The following CLCN2 variants were observed in gnomAD, a reference collection of about 807,000 sequenced individuals.
CLCN2 encodes the protein chloride channel protein 2.
Under a neutral mutation model 108.3 loss-of-function variants are expected in CLCN2, and 72 were observed. The ratio of observed to expected loss-of-function variants is 0.66; its 90% CI spans 0.55 to 0.81. The LOEUF (loss-of-function observed/expected upper bound fraction) is 0.81, where lower values mean the gene tolerates loss of function less well. Among genes scored for constraint, CLCN2 ranks in the 30% least tolerant of loss-of-function variants. The probability of loss-of-function intolerance (pLI) is 0.00; values close to 1 mark genes in which losing one functional copy is unlikely to be tolerated. For missense variants in CLCN2, 1,048 were observed against 1,205.2 expected, an observed-to-expected ratio of 0.87 and a Z score of 1.93; for synonymous variants, 471 against 467.1, an observed-to-expected ratio of 1.01 and a Z score of -0.11.
In CLCN2 at chr3:184,354,981, C is replaced by CAGGGGGTGG; in HGVS notation, c.1327-17_1327-9dup. 6.2e-7 allele frequency: 1 copy of CAGGGGGTGG among 1,613,784 alleles called. No homozygotes were observed. The highest frequency in any genetic ancestry group is 1.3e-5 in the African/African-American group (1 of 75,002). Reference sequence around the variant, plus strand: ...CAGTGCAGACATCCAGAACTGCAGGCAGGGGGTGGTTCAAAGGCGAAGAGG... The same window carrying CAGGGGGTGG: ...CAGTGCAGACATCCAGAACTGCAGGCAGGGGGTGGAGGGGGTGGTTCAAAGGCGAAGAGG... On this transcript the variant is annotated splice_polypyrimidine_tract_variant and intron_variant, in intron 12 of 23. Transcript: ENST00000265593.
At chr3:184,347,694 C>T (rs911919692) in intron 22 of CLCN2, 5 of 163,844 alleles carry the variant, frequency 3.1e-5, no homozygotes, top group African/African-American at 9.6e-5. Context: ...CAGTCTTGGC[C>T]TGAAGCACGC....
rs1314840999 is a variant in CLCN2 at position 184,361,375 on chromosome 3, G to A, written c.63+42C>T. ...CTTCCCAGGGTAACCTGGAGCAGGG[G>A]TCCCGGAGCGCACTCCTGGGGCTCA... On this transcript the variant is annotated intron_variant, in intron 1 of 23. Coordinates refer to ENST00000265593, the MANE Select transcript of CLCN2 (RefSeq NM_004366.6). This position sits in a 1 kb window ranked among gnomAD's most constrained non-coding sequence, Gnocchi z 6.6. The A allele has an allele frequency of 1.3e-6, 2 of 1,596,578 alleles. No individual in the cohort carries two copies. Among genetic ancestry groups the A allele is most frequent in the South Asian group, 2.2e-5 (2 of 90,736 alleles).
intron 22 of CLCN2, 124 bp downstream of exon 22, chr3:184,351,889 A>G (rs1422199394): frequency 1.7e-5 from 13 of 786,304 alleles, no homozygotes; most frequent in African/African-American, 1.0e-4. Flanking sequence ...ACATCTCCGC[A>G]CTGAGCCAAC....
rs151278282 is a variant in CLCN2 at position 184,352,456 on chromosome 3, C to A, written c.2258G>T (p.Arg753Leu). ...AGGCATACTTACTGCCAGGGAGATTCGGACACGCTTCAGCTTGCGCTTCTC... is the reference window on the plus strand; with the variant it reads ...AGGCATACTTACTGCCAGGGAGATTAGGACACGCTTCAGCTTGCGCTTCTC... ...SCEKRKLKRV[R>L]ISLASDADLE... The change falls in exon 20 of 24, where the codon CGA (arginine) becomes CTA (leucine). Residue 753 changes from arginine to leucine, a missense_variant. Arg to Leu is a moderately radical substitution (Grantham distance 102, BLOSUM62 -2). Transcript: ENST00000265593. 1 of 1,613,280 alleles carries A rather than the reference C, an allele frequency of 6.2e-7. No homozygotes were observed. Among genetic ancestry groups the A allele is most frequent in the East Asian group, 2.2e-5 (1 of 44,864 alleles).
rs552481728 is a variant in CLCN2, at chr3:184,357,851, A to G, written c.621T>C (p.Pro207=). Residue 207 remains proline (P), a synonymous_variant, in exon 6 of 24, where the codon CCT becomes CCC. Transcript: ENST00000265593. Reference sequence around the variant, plus strand: ...CACACATGCTTGCGATATGCACAAAAGGGCCCTGCGGGGTGGGGCAGGCGG... The same window carrying G: ...CACACATGCTTGCGATATGCACAAAGGGGCCCTGCGGGGTGGGGCAGGCGG... ...GSGMPLGKEG[P]FVHIASMCAA... 13 of 1,613,902 alleles carry G rather than the reference A, an allele frequency of 8.1e-6. No homozygotes were observed. In the South Asian group the frequency reaches 1.4e-4, roughly 18 times the overall value.
At chr3:184,348,041 A>G (rs2108554887) in intron 22 of CLCN2, 1 of 152,370 alleles carries the variant, frequency 6.6e-6, no homozygotes, top group Admixed American at 6.5e-5. Context: ...GATGAGCAGT[A>G]ATAACAGCTT....
chr3:184,351,873 TA>T (rs573178856), intron 22 of CLCN2, 139 bp downstream of exon 22: 57 of 754,878 alleles, frequency 7.6e-5, no homozygotes, highest in Middle Eastern at 3.6e-4. Flanking sequence ...GCAGTATGTC[TA>T]AAAAACATCT....
At position 184,361,499 on chromosome 3, in the gene CLCN2, G is replaced by A; in HGVS notation, c.-20C>T. On this transcript the variant is annotated 5_prime_UTR_variant, in exon 1 of 24. Coordinates refer to ENST00000265593, the MANE Select transcript of CLCN2 (RefSeq NM_004366.6). The surrounding 1 kb of genome is among the most constrained non-coding windows in gnomAD (Gnocchi z 6.6). Reference sequence around the variant, plus strand: ...CGCCATCTCCGCGCACTGCCCTCTCGCCTCCCTCGGCGGTTCCGGCTCTGT... The same window carrying A: ...CGCCATCTCCGCGCACTGCCCTCTCACCTCCCTCGGCGGTTCCGGCTCTGT... 3 of 1,608,510 alleles carry A rather than the reference G, an allele frequency of 1.9e-6. No individual in the cohort carries two copies. The highest frequency in any genetic ancestry group is 2.5e-6 in the Non-Finnish European group (3 of 1,179,680).
In CLCN2 at chr3:184,354,175, C is replaced by A; in HGVS notation, c.1647G>T (p.Gln549His). 1 of 1,613,390 alleles carries A rather than the reference C, an allele frequency of 6.2e-7. No homozygotes were observed. Among genetic ancestry groups the A allele is most frequent in the Non-Finnish European group, 8.5e-7 (1 of 1,179,972 alleles). ...ILANAVAQSL[Q>H]PSLYDSIIRI... is the part of the protein sequence containing the mutation. ...GGATGATGCTGTCATAGAGGGAGGG[C>A]TGCAGACTCTGGGCGACAGCGTTGG... The change falls in exon 15 of 24, where the codon CAG becomes CAT. Residue 549 changes from glutamine to histidine, a missense_variant. Gln to His is a conservative substitution (Grantham distance 24). Transcript: ENST00000265593.
chr3:184,357,535 G>C (rs1728657259), intron 7 of CLCN2, 48 bp from the exon 8 acceptor site: 2 of 1,614,084 alleles, frequency 1.2e-6, no homozygotes, highest in African/African-American at 1.3e-5. Flanking sequence ...CCTGGCCTAA[G>C]GCCTCAGACC....
chr3:184,352,842 A>G, intron 18 of CLCN2, 32 bp from the exon 19 acceptor site: 1 of 1,611,208 alleles, frequency 6.2e-7, no homozygotes, highest in Admixed American at 1.7e-5. Context: ...CCCAGGGGGC[A>G]ATGTCATCTT....
intron 22 of CLCN2, among the ~76,000 whole-genome samples, chr3:184,351,645 G>GTTTT (rs141373457): frequency 2.1e-3 from 326 of 152,178 alleles, no homozygotes; most frequent in East Asian, 9.1e-3. Flanking sequence ...TTTCTCACCC[G>GTTTT]TTTTTTTCCG....
chr3:184,357,585 T>G (rs775623554), intron 7 of CLCN2, 35 bp downstream of exon 7: 1 of 1,613,796 alleles, frequency 6.2e-7, no homozygotes, highest in African/African-American at 1.3e-5. Flanking sequence ...AAGGGCAGGG[T>G]TGTGGGGCTG....
In CLCN2 at chr3:184,346,566, C is replaced by G; in HGVS notation, c.*40G>C. The G allele has an allele frequency of 1.9e-6, 3 of 1,607,032 alleles. No individual in the cohort carries two copies. The East Asian group carries it at 6.7e-5, about 36-fold the overall frequency. ...ATGAAAGATGCACATTCTGGGCTGA[C>G]GGGCATGGCTAGCACCATCCTAGGC... On this transcript the variant is annotated 3_prime_UTR_variant, in exon 24 of 24. Transcript: ENST00000265593. This position sits in a 1 kb window ranked among gnomAD's most constrained non-coding sequence, Gnocchi z 6.0.
chr3:184,356,634 C>T (rs1276057487), intron 10 of CLCN2: 31 of 230,602 alleles, frequency 1.3e-4, no homozygotes, highest in Middle Eastern at 1.8e-3. Context: ...AGTGAAACTC[C>T]GTCTCAAAAA....
Position 184,357,789 on chromosome 3 carries a change from C to A in CLCN2, c.683G>T (p.Gly228Val). 1 of 1,614,026 alleles carries A rather than the reference C, an allele frequency of 6.2e-7. No homozygotes were observed. Among genetic ancestry groups the A allele is most frequent in the Non-Finnish European group, 8.5e-7 (1 of 1,180,024 alleles). ...CAGGGTTCCCCTTACCTCATAGATA[C>A]CCCCAAAGAGGGAGAGGAACTTGCT... ...LLSKFLSLFGGIYENESRNTE... is the reference protein window; with the variant it reads ...LLSKFLSLFGVIYENESRNTE... The change falls in exon 6 of 24, where the codon GGT becomes GTT. Residue 228 changes from glycine (G) to valine (V), a missense_variant. By Grantham distance (109) the Gly-to-Val change is moderately radical (BLOSUM62 -3). Transcript: ENST00000265593.
At position 184,354,578 on chromosome 3, in the gene CLCN2, G is replaced by A. The variant is rs767262596; in HGVS notation, c.1477C>T (p.Arg493Trp). The A allele has an allele frequency of 1.2e-4, 188 of 1,613,146 alleles. 1 individual carries two copies. Among genetic ancestry groups the A allele is most frequent in the Non-Finnish European group, 1.5e-4 (177 of 1,179,944 alleles). ...DGIHTDSSTYRIVPGGYAVVG... is the reference protein window; with the variant it reads ...DGIHTDSSTYWIVPGGYAVVG... Reference sequence around the variant, plus strand: ...ACAGCGTAGCCCCCAGGCACAATCCGGTAGGTGCTGCTGTCCGTATGAATT... The same window carrying A: ...ACAGCGTAGCCCCCAGGCACAATCCAGTAGGTGCTGCTGTCCGTATGAATT... Residue 493 changes from arginine (R) to tryptophan (W), a missense_variant, in exon 14 of 24, where the codon CGG becomes TGG. Transcript: ENST00000265593.
chr3:184,352,740 C>T lies in CLCN2; in HGVS notation c.2214G>A (p.Ser738=), dbSNP rs144202469. The change falls in exon 19 of 24, where the codon TCG becomes TCA. Residue 738 remains serine (S), a synonymous_variant. Transcript: ENST00000265593. ...FCGSPPPEAA[S]EKLESCEKRK... ...AGGACAGGCTCCAGCCACTCACCTC[C>T]GAAGCAGCCTCAGGGGGTGGACTGC... 3.7e-5 allele frequency: 60 copies of T among 1,613,070 alleles called. No homozygotes were observed. The African/African-American group carries it at 5.9e-4, about 16-fold the overall frequency.
intron 13 of CLCN2, 88 bp from the exon 14 acceptor site, chr3:184,354,746 G>A: frequency 7.6e-7 from 1 of 1,319,936 alleles, no homozygotes; most frequent in Non-Finnish European, 1.1e-6. Flanking sequence ...GGGTGAGGGA[G>A]GGGCCAACGG....
Sources: allele counts gnomAD v4.1 joint callset (sites outside exome capture counted in the v4.1 genomes callset), GRCh38; gene constraint gnomAD v4.1.1; non-coding constraint Gnocchi (gnomAD v3.1); transcripts MANE v1.5; gene names NCBI Gene and HGNC (gene_info 2026-07-23, HGNC 2026-07-21).